Variants in TENM3 observed in about 807,000 individuals in gnomAD.
TENM3 encodes teneurin transmembrane protein 3.
TENM3 carries 63 observed loss-of-function variants against 255.1 expected under a neutral mutation model. The observed-to-expected ratio is 0.25, with a 90% CI of 0.20 to 0.30. TENM3 has a LOEUF of 0.30. Among genes scored for constraint, TENM3 ranks in the 10% least tolerant of loss-of-function variants. The pLI is 1.00. For missense variants in TENM3, 2,929 were observed against 3,461.1 expected, an observed-to-expected ratio of 0.85 and a Z score of 3.86; for synonymous variants, 1,306 against 1,322.3, an observed-to-expected ratio of 0.99 and a Z score of 0.27.
the TENM3 span, chr4:181,980,354 CTGG>C: frequency 3.4e-4 from 51 of 152,122 alleles, 1 homozygote; most frequent in Admixed American, 2.0e-3. Context: ...AAGTTGTGGT[CTGG>C]AAGGGGAGTC....
chr4:182,260,981 T>C (rs1338902665), intron 1 of TENM3, among the ~76,000 whole-genome samples: 4 of 152,088 alleles, frequency 2.6e-5, no homozygotes, highest in African/African-American at 9.7e-5. Context: ...GTTCAGTTGA[T>C]TCTCCTGCTT....
At chr4:182,478,638 A>G (rs1035460256) in intron 3 of TENM3, among the ~76,000 whole-genome samples, 1 of 152,036 alleles carries the variant, frequency 6.6e-6, no homozygotes, top group African/African-American at 2.4e-5. Flanking sequence ...GTTAATAAAT[A>G]TACCATTGTA....
At chr4:182,720,151 A>G (rs188559029) in intron 13 of TENM3, among the ~76,000 whole-genome samples, 14 of 152,282 alleles carry the variant, frequency 9.2e-5, no homozygotes, top group Admixed American at 8.5e-4. Context: ...AAACAAATGG[A>G]TGAAATATTA....
chr4:182,095,770 C>A, the TENM3 span, among the ~76,000 whole-genome samples: 6 of 152,106 alleles, frequency 3.9e-5, no homozygotes, highest in South Asian at 2.1e-4. Context: ...GTGAGACTAT[C>A]CCAGTTACCC....
the TENM3 span, among the ~76,000 whole-genome samples, chr4:181,600,116 A>C: frequency 6.6e-6 from 1 of 152,254 alleles, no homozygotes; most frequent in Non-Finnish European, 1.5e-5. Flanking sequence ...TTTTGTCACC[A>C]AATACTATAT....
At chr4:181,630,588 C>T in the TENM3 span, among the ~76,000 whole-genome samples, 2 of 152,236 alleles carry the variant, frequency 1.3e-5, no homozygotes, top group Admixed American at 6.5e-5. Flanking sequence ...GCCTTCATTT[C>T]GTTATGTACC....
At chr4:181,751,383 T>C in the TENM3 span, among the ~76,000 whole-genome samples, 3 of 148,526 alleles carry the variant, frequency 2.0e-5, no homozygotes, top group African/African-American at 7.5e-5. Flanking sequence ...GTTTTTAAAA[T>C]TGAATTTAGC....
chr4:182,504,281 C>T (rs1156807791), intron 3 of TENM3, among the ~76,000 whole-genome samples: 1 of 151,902 alleles, frequency 6.6e-6, no homozygotes, highest in Non-Finnish European at 1.5e-5. Context: ...TTATTAAAGG[C>T]TCTGTGCAGA....
chr4:182,612,746 GAC>G (rs34378103), intron 4 of TENM3, among the ~76,000 whole-genome samples: 70,985 of 150,698 alleles, frequency 0.47, 17,008 homozygotes, highest in African/African-American at 0.55. Context: ...AATACACACA[GAC>G]ACACACACAC....
At chr4:182,755,384 T>C (rs141692915) in intron 22 of TENM3, 125 bp downstream of exon 22, 138 of 1,019,124 alleles carry the variant, frequency 1.4e-4, no homozygotes, top group Non-Finnish European at 1.8e-4. Context: ...CTTCTGTAAT[T>C]TTTGGATCCC....
chr4:181,789,649 A>G, the TENM3 span, among the ~76,000 whole-genome samples: 27,075 of 152,042 alleles, frequency 0.18, 3,126 homozygotes, highest in Non-Finnish European at 0.26. Context: ...CCAAGCAGTT[A>G]TAGGATTTCA....
At chr4:181,467,125 A>ATTTTT in the TENM3 span, among the ~76,000 whole-genome samples, 2 of 17,620 alleles carry the variant, frequency 1.1e-4, no homozygotes, top group African/African-American at 2.5e-4. Context: ...ATATATATAT[A>ATTTTT]TTTTTTTTTT....
the TENM3 span, among the ~76,000 whole-genome samples, chr4:181,604,234 C>T: frequency 1.8e-4 from 28 of 152,222 alleles, no homozygotes; most frequent in Admixed American, 4.6e-4. Context: ...CACAGCACTC[C>T]AGCCTGGGCG....
At position 182,258,390 on chromosome 4, in the gene TENM3, G is replaced by A. The variant is rs562611216; in HGVS notation, c.-76+14914G>A. ...CCAAAGAGAATACTCAGGGAGAAAA[G>A]CAGACTTATTTTTCTGTCTTACACT... is the stretch of plus-strand genomic sequence containing the variant. On this transcript the variant is annotated intron_variant, in intron 1 of 27. Transcript: ENST00000511685. Among the ~76,000 whole-genome samples, 9 of 152,254 alleles carry A rather than the reference G, an allele frequency of 5.9e-5. No individual in the cohort carries two copies. The East Asian group carries it at 1.5e-3, about 26-fold the overall frequency.
chr4:182,267,712 A>AT (rs1351713394), intron 1 of TENM3, among the ~76,000 whole-genome samples: 1 of 141,348 alleles, frequency 7.1e-6, no homozygotes, highest in African/African-American at 2.8e-5. Flanking sequence ...ATCAAAGCCA[A>AT]TTTAAAAAAA....
the TENM3 span, among the ~76,000 whole-genome samples, chr4:181,564,845 C>T: frequency 6.6e-6 from 1 of 152,084 alleles, no homozygotes; most frequent in Non-Finnish European, 1.5e-5. Flanking sequence ...GGCAGTTTCA[C>T]CTTTAAAGTA....
the TENM3 span, among the ~76,000 whole-genome samples, chr4:182,086,568 A>G: frequency 6.6e-6 from 1 of 152,096 alleles, no homozygotes; most frequent in Admixed American, 6.5e-5. Flanking sequence ...TTTCAAATTC[A>G]TTTTATGGGC....
At chr4:181,708,213 A>C in the TENM3 span, among the ~76,000 whole-genome samples, 1 of 152,332 alleles carries the variant, frequency 6.6e-6, no homozygotes, top group Middle Eastern at 3.4e-3. Context: ...AATTGTTCTT[A>C]AGCCCTAAAT....
Position 182,688,274 on chromosome 4 carries a change from G to A in TENM3, c.2144G>A (p.Arg715His), listed in dbSNP as rs776348291. ...TGTAATCAGAGAGCCTGCCACCCCC[G>A]CTGTGCCGAGCACGGGACCTGCAAG... ...PACNQRACHPRCAEHGTCKDG... is the reference protein window; with the variant it reads ...PACNQRACHPHCAEHGTCKDG... The change falls in exon 12 of 28, where the codon CGC becomes CAC. Residue 715 changes from arginine to histidine, a missense_variant. This residue lies in a region of TENM3 where 1,608 missense variants were observed against 1,884.4 expected (regional missense o/e 0.85). Transcript: ENST00000511685. The A allele has an allele frequency of 5.0e-6, 8 of 1,613,884 alleles. No individual in the cohort carries two copies. Among genetic ancestry groups the A allele is most frequent in the East Asian group, 4.5e-5 (2 of 44,874 alleles).
Sources: allele counts gnomAD v4.1 joint callset (sites outside exome capture counted in the v4.1 genomes callset), GRCh38; gene constraint gnomAD v4.1.1; regional missense constraint gnomAD v4.1.1; transcripts MANE v1.5; gene names NCBI Gene and HGNC (gene_info 2026-07-23, HGNC 2026-07-21).